Variants in MARCHF1 observed in about 807,000 individuals in gnomAD.
MARCHF1 encodes E3 ubiquitin-protein ligase MARCHF1.
In MARCHF1, 40 loss-of-function variants were observed where a neutral mutation model predicts 54.2. The ratio of observed to expected loss-of-function variants is 0.74; its 90% confidence interval spans 0.57 to 0.96. The LOEUF (loss-of-function observed/expected upper bound fraction) is 0.96. Ranked by LOEUF, MARCHF1 falls within the 40% of genes least tolerant of loss-of-function variation. The pLI, the probability that MARCHF1 is intolerant of heterozygous loss-of-function variation, is 0.00. For synonymous variants in MARCHF1, 236 were observed against 236.3 expected (o/e 1.00, Z 0.01); for missense variants, 586 against 656.5 (o/e 0.89, Z 1.17).
At chr4:164,143,934 C>T (rs1048820450) in intron 1 of MARCHF1, among the ~76,000 whole-genome samples, 14 of 152,270 alleles carry the variant, frequency 9.2e-5, no homozygotes, top group East Asian at 5.8e-4. Context: ...ACCCATCTCA[C>T]GTGCAGAGAC....
At chr4:164,035,633 CA>C (rs34846855) in intron 2 of MARCHF1, among the ~76,000 whole-genome samples, 19,750 of 144,206 alleles carry the variant, frequency 0.14, 1,383 homozygotes, top group South Asian at 0.22. Context: ...ATAAAGAATA[CA>C]AAAAAAAAAA....
chr4:164,066,660 A>C (rs1201046972), intron 2 of MARCHF1, among the ~76,000 whole-genome samples: 1 of 152,246 alleles, frequency 6.6e-6, no homozygotes, highest in Non-Finnish European at 1.5e-5. Flanking sequence ...AATGTGGTAC[A>C]AATACACCAT....
chr4:163,674,708 C>T (rs1743853487), intron 5 of MARCHF1, among the ~76,000 whole-genome samples: 1 of 151,882 alleles, frequency 6.6e-6, no homozygotes, highest in Non-Finnish European at 1.5e-5. Context: ...TTAAACTGAA[C>T]AATATACACA....
intron 3 of MARCHF1, among the ~76,000 whole-genome samples, chr4:163,974,026 G>C (rs1430548160): frequency 1.3e-5 from 2 of 152,180 alleles, no homozygotes; most frequent in African/African-American, 4.8e-5. Context: ...CTTATTAAAT[G>C]TGTGTTGTTG....
intron 3 of MARCHF1, among the ~76,000 whole-genome samples, chr4:163,912,979 A>T (rs1285568402): frequency 6.6e-6 from 1 of 152,250 alleles, no homozygotes; most frequent in Non-Finnish European, 1.5e-5. Context: ...TCCTAGATAA[A>T]TGACACATTA....
intron 4 of MARCHF1, among the ~76,000 whole-genome samples, chr4:163,783,291 A>G (rs1187318602): frequency 1.3e-5 from 2 of 152,234 alleles, no homozygotes; most frequent in Admixed American, 1.3e-4. Context: ...ATTTCTGACT[A>G]TCAAGAGTTT....
At chr4:164,189,315 T>C (rs1731060860) in intron 1 of MARCHF1, 2 of 598,920 alleles carry the variant, frequency 3.3e-6, no homozygotes, top group East Asian at 2.8e-5. Flanking sequence ...AGTCCTTCTA[T>C]GAAGGAGAAG....
intron 4 of MARCHF1, among the ~76,000 whole-genome samples, chr4:163,822,852 C>T (rs771612813): frequency 1.3e-5 from 2 of 151,844 alleles, no homozygotes; most frequent in Non-Finnish European, 2.9e-5. Flanking sequence ...TACCCATTTA[C>T]GTACAATTCT....
rs907548275 is a variant in MARCHF1, at chr4:164,095,140, T to C, written c.-248+16448A>G. ...TGTTAGACGGGAGAAAACAGAAGTA[T>C]GAGAGGTCTCCTTGAGTATAAATTG... On this transcript the variant is annotated intron_variant, in intron 2 of 9. Transcript: ENST00000514618. Among the ~76,000 whole-genome samples, 7 of 152,066 alleles carry C rather than the reference T, an allele frequency of 4.6e-5. No homozygotes were observed. The South Asian group carries it at 6.2e-4, about 14-fold the overall frequency.
chr4:164,287,649 GA>G (rs1488784486), intron 1 of MARCHF1, among the ~76,000 whole-genome samples: 4 of 152,178 alleles, frequency 2.6e-5, no homozygotes, highest in Non-Finnish European at 5.9e-5. Flanking sequence ...AGGTGCAAAA[GA>G]AAATCATCTG....
At chr4:163,924,750 G>A (rs1237148848) in intron 3 of MARCHF1, among the ~76,000 whole-genome samples, 2 of 151,960 alleles carry the variant, frequency 1.3e-5, no homozygotes, top group Admixed American at 6.6e-5. Flanking sequence ...GCTGGATATT[G>A]AGCCTAGAAA....
At chr4:164,194,587 G>A (rs1021477802) in intron 1 of MARCHF1, among the ~76,000 whole-genome samples, 4 of 151,984 alleles carry the variant, frequency 2.6e-5, no homozygotes, top group African/African-American at 4.8e-5. Flanking sequence ...TCTCTTGATT[G>A]TATGCTGTCA....
At chr4:163,937,995 T>C (rs995769441) in intron 3 of MARCHF1, among the ~76,000 whole-genome samples, 5 of 152,082 alleles carry the variant, frequency 3.3e-5, no homozygotes, top group African/African-American at 1.2e-4. Context: ...TCAAAACATA[T>C]TTTCCATTAT....
intron 4 of MARCHF1, among the ~76,000 whole-genome samples, chr4:163,786,275 A>G (rs1224133884): frequency 6.6e-6 from 1 of 152,026 alleles, no homozygotes; most frequent in African/African-American, 2.4e-5. Context: ...GACATTTTGA[A>G]GCATATGAAT....
intron 4 of MARCHF1, among the ~76,000 whole-genome samples, chr4:163,782,595 G>A (rs1226808492): frequency 1.3e-5 from 2 of 151,126 alleles, no homozygotes; most frequent in Non-Finnish European, 2.9e-5. Flanking sequence ...ACTTGAACTG[G>A]GAGGGAGAGG....
rs145114037 is a variant in MARCHF1, at chr4:163,940,714, T to C, written c.-39+47787A>G. ...TAAAATTATAAACTAAATATGGAAC[T>C]TATGAATCAGCATTGGAAAAATAAA... is the stretch of plus-strand genomic sequence containing the variant. On this transcript the variant is annotated intron_variant, in intron 3 of 9. Transcript: ENST00000514618. 1.2e-3 allele frequency among the ~76,000 whole-genome samples: 186 copies of C among 152,260 alleles called. 1 individual carries two copies. Among genetic ancestry groups the C allele is most frequent in the Admixed American group, 0.012 (179 of 15,282 alleles).
chr4:163,686,929 ACAAATAT>A (rs1308943760), intron 5 of MARCHF1, among the ~76,000 whole-genome samples: 3 of 152,188 alleles, frequency 2.0e-5, no homozygotes, highest in Non-Finnish European at 4.4e-5. Context: ...TTTTTGCAAA[ACAAATAT>A]CTTCTATTAG....
At chr4:164,121,635 G>C (rs1398960301) in intron 1 of MARCHF1, among the ~76,000 whole-genome samples, 1 of 152,076 alleles carries the variant, frequency 6.6e-6, no homozygotes, top group Non-Finnish European at 1.5e-5. Flanking sequence ...TTAAAGATGA[G>C]ATTTGGGTGG....
intron 2 of MARCHF1, among the ~76,000 whole-genome samples, chr4:164,085,563 A>G (rs1439020884): frequency 6.6e-6 from 1 of 151,900 alleles, no homozygotes; most frequent in African/African-American, 2.4e-5. Context: ...TATGTTCTCA[A>G]CAATAGCACA....
Sources: gnomAD v4.1 joint callset for allele counts (sites outside exome capture counted in the v4.1 genomes callset) on GRCh38, gnomAD v4.1.1 for gene constraint, MANE v1.5 for transcripts, NCBI Gene and HGNC (gene_info 2026-07-23, HGNC 2026-07-21) for gene names.